The following PFKFB4 variants were observed in gnomAD, a reference collection of about 807,000 sequenced individuals.
PFKFB4 encodes the protein 6-phosphofructo-2-kinase/fructose-2,6-biphosphatase 4, also known as 6-phosphofructo-2-kinase/fructose-2,6-bisphosphatase 4.
PFKFB4 carries 42 observed loss-of-function variants against 62.8 expected under a neutral mutation model. That is an observed-to-expected ratio of 0.67 (90% CI 0.52 to 0.86). PFKFB4 has a LOEUF of 0.86. PFKFB4 is among the 40% of genes least tolerant of loss of function. PFKFB4 has a pLI of 0.00. For missense variants in PFKFB4, 475 were observed against 627.2 expected (o/e 0.76, Z 2.59); for synonymous variants, 204 against 240.7 (o/e 0.85, Z 1.41).
chr3:48,528,730 G>A (rs187982083), intron 9 of PFKFB4, among the ~76,000 whole-genome samples: 1 of 152,314 alleles, frequency 6.6e-6, no homozygotes, highest in Non-Finnish European at 1.5e-5. Flanking sequence ...TAGCCCAAAA[G>A]TGGCAACAAC....
rs1006834711 is a variant in PFKFB4, at chr3:48,543,787, T to C, written c.312-141A>G. On this transcript the variant is annotated intron_variant, in intron 3 of 13. Coordinates refer to ENST00000232375, the MANE Select transcript of PFKFB4 (RefSeq NM_004567.4). ...TGCTCTCTTTTCAAAGTTTCCCTTCTCTTTCCTTAGGATAATGTTCAGTGT... is the reference window on the plus strand; with the variant it reads ...TGCTCTCTTTTCAAAGTTTCCCTTCCCTTTCCTTAGGATAATGTTCAGTGT... 15 of 696,746 alleles carry C rather than the reference T, an allele frequency of 2.2e-5. No individual in the cohort carries two copies. In the African/African-American group the frequency reaches 2.6e-4, roughly 12 times the overall value. The allele number at this position is 696,746 out of a possible 1,614,324, so 43.2% of individuals were successfully genotyped here.
chr3:48,559,470 G>GC, upstream of PFKFB4: 1 of 456,096 alleles, frequency 2.2e-6, no homozygotes, highest in Non-Finnish European at 4.4e-6. Context: ...GACCTTGCCT[G>GC]CCACACTACA....
chr3:48,532,345 GA>G (rs2042456681), intron 9 of PFKFB4, among the ~76,000 whole-genome samples: 1 of 152,044 alleles, frequency 6.6e-6, no homozygotes, highest in Non-Finnish European at 1.5e-5. Flanking sequence ...AATAAAAACA[GA>G]ATTACCATAG....
intron 3 of PFKFB4, 76 bp from the exon 4 acceptor site, chr3:48,543,722 G>A: frequency 1.8e-6 from 2 of 1,102,392 alleles, no homozygotes; most frequent in Non-Finnish European, 2.7e-6. Context: ...CACACAACAG[G>A]AGGAGACATG....
chr3:48,520,499 G>C (rs995142870), intron 13 of PFKFB4, among the ~76,000 whole-genome samples: 1 of 152,196 alleles, frequency 6.6e-6, no homozygotes, highest in Non-Finnish European at 1.5e-5. Flanking sequence ...TCACCTGCAG[G>C]AGCAGGTCAC....
chr3:48,542,348 A>G (rs1401569628), intron 4 of PFKFB4, among the ~76,000 whole-genome samples: 1 of 151,778 alleles, frequency 6.6e-6, no homozygotes, highest in African/African-American at 2.4e-5. Context: ...AAAAAAAAAA[A>G]GAAAGAAAGA....
At chr3:48,560,292 A>G (rs1236355220), upstream of PFKFB4, among the ~76,000 whole-genome samples, 1 of 152,086 alleles carries the variant, frequency 6.6e-6, no homozygotes, top group Non-Finnish European at 1.5e-5. Flanking sequence ...CCCTTCCCAC[A>G]TATATCTCTC....
At position 48,521,383 on chromosome 3, in the gene PFKFB4, C is replaced by T. The variant is rs2042089855; in HGVS notation, c.1350+603G>A. On this transcript the variant is annotated intron_variant, in intron 13 of 13. Coordinates refer to ENST00000232375, the MANE Select transcript of PFKFB4 (RefSeq NM_004567.4). This position sits in a 1 kb window ranked among gnomAD's most constrained non-coding sequence, Gnocchi z 5.3. ...TGGTTCTGAGCTACACTCTGAGGAG[C>T]TTCTACCTTCCACAAGGCACTTGGG... Among the ~76,000 whole-genome samples, 1 of 152,198 alleles carries T rather than the reference C, an allele frequency of 6.6e-6. No individual in the cohort carries two copies. Among genetic ancestry groups the T allele is most frequent in the Non-Finnish European group, 1.5e-5 (1 of 68,026 alleles).
Position 48,519,809 on chromosome 3 carries a change from G to A in PFKFB4, c.1351-3C>T. ...GGAGGTCTTGAGATGTCCACGTTCTGTACAATAAAAACACAGAGCGTTCAC... is the reference window on the plus strand; with the variant it reads ...GGAGGTCTTGAGATGTCCACGTTCTATACAATAAAAACACAGAGCGTTCAC... On this transcript the variant is annotated splice_region_variant and splice_polypyrimidine_tract_variant and intron_variant, in intron 13 of 13. Coordinates refer to ENST00000232375, the MANE Select transcript of PFKFB4 (RefSeq NM_004567.4). 2 of 1,612,730 alleles carry A rather than the reference G, an allele frequency of 1.2e-6. No homozygotes were observed.
Position 48,550,211 on chromosome 3 carries a change from G to C in PFKFB4, c.121C>G (p.Leu41Val), listed in dbSNP as rs758214576. 4 of 1,613,894 alleles carry C rather than the reference G, an allele frequency of 2.5e-6. No individual in the cohort carries two copies. Among genetic ancestry groups the C allele is most frequent in the East Asian group, 2.2e-5 (1 of 44,878 alleles). ...RGVCMTNCPT[L>V]IVMVGLPARG... The stretch of plus-strand genomic sequence containing the variant: ...GCGGGCAGGCCCACCATGACAATGA[G>C]AGTTGGGCAGTTGGTCATGCACACT... The change falls in exon 2 of 14, where the codon CTC becomes GTC. Residue 41 changes from leucine (L) to valine (V), a missense_variant. Transcript: ENST00000232375.
chr3:48,559,059 G>A (rs1326777395), upstream of PFKFB4, among the ~76,000 whole-genome samples: 1 of 152,212 alleles, frequency 6.6e-6, no homozygotes, highest in Non-Finnish European at 1.5e-5. Context: ...CTCCTGGGAT[G>A]CTAATCAAGG....
chr3:48,519,487 G>T lies in PFKFB4; in HGVS notation c.*260C>A. ...GCTGCGCCGGAAGAAACTGGGGCTG[G>T]GCAACCTCCGCGCAGCCCATGCAGA... On this transcript the variant is annotated 3_prime_UTR_variant, in exon 14 of 14. Transcript: ENST00000232375. 1 of 471,338 alleles carries T rather than the reference G, an allele frequency of 2.1e-6. No individual in the cohort carries two copies. Among genetic ancestry groups the T allele is most frequent in the South Asian group, 3.6e-5 (1 of 27,990 alleles). The allele number at this position is 471,338 out of a possible 1,614,324, so 29.2% of individuals were successfully genotyped here. A position where few individuals can be genotyped will look rare whatever the true frequency, so the allele number is the denominator to read the frequency against.
Position 48,523,688 on chromosome 3 carries a change from G to T in PFKFB4, c.1222+13C>A, listed in dbSNP as rs564968088. The T allele has an allele frequency of 3.1e-6, 5 of 1,614,058 alleles. No homozygotes were observed. The African/African-American group carries it at 6.7e-5, about 22-fold the overall frequency. On this transcript the variant is annotated intron_variant, in intron 11 of 13. Transcript: ENST00000232375. The stretch of plus-strand genomic sequence containing the variant: ...ACACAACCTTCCCACCTCCCCCGGG[G>T]CACAGCCCACACCTGCTGCCTTGTC...
At chr3:48,554,341 C>T (rs900144716) in intron 1 of PFKFB4, among the ~76,000 whole-genome samples, 1 of 152,196 alleles carries the variant, frequency 6.6e-6, no homozygotes. Context: ...GCTGCATGGG[C>T]GGGTTCCATG....
At chr3:48,549,841 C>T (rs773166111) in intron 3 of PFKFB4, 23 bp downstream of exon 3, 3 of 1,452,700 alleles carry the variant, frequency 2.1e-6, no homozygotes, top group Admixed American at 1.7e-5. Context: ...ACCTCTCCCC[C>T]CACACCCAAC....
At chr3:48,547,280 T>A (rs1353742835) in intron 3 of PFKFB4, among the ~76,000 whole-genome samples, 3 of 152,122 alleles carry the variant, frequency 2.0e-5, no homozygotes, top group Non-Finnish European at 4.4e-5. Flanking sequence ...ATGTATAACG[T>A]GACTGTGTAC....
upstream of PFKFB4, chr3:48,559,523 C>T (rs570164703): frequency 8.7e-5 from 40 of 457,146 alleles, no homozygotes; most frequent in Middle Eastern, 1.3e-3. Flanking sequence ...CTCCCACTCC[C>T]CTGTGTCCTC....
chr3:48,550,799 C>A lies in PFKFB4; in HGVS notation c.98-565G>T, dbSNP rs758602. ...AAGGCATCTCCATGGCCACCGGGAACACCCCTCACCCTCAATCCTGGTCAC... is the reference window on the plus strand; with the variant it reads ...AAGGCATCTCCATGGCCACCGGGAAAACCCCTCACCCTCAATCCTGGTCAC... On this transcript the variant is annotated intron_variant, in intron 1 of 13. Transcript: ENST00000232375. Among the ~76,000 whole-genome samples, 72 of 152,358 alleles carry A rather than the reference C, an allele frequency of 4.7e-4. No homozygotes were observed. In the South Asian group the frequency reaches 0.013, roughly 29 times the overall value.
intron 4 of PFKFB4, among the ~76,000 whole-genome samples, chr3:48,542,329 ATCTC>A (rs2042826299): frequency 6.8e-6 from 1 of 146,048 alleles, no homozygotes. Context: ...GCGAGACTCC[ATCTC>A]AAAAAAAAAA....
Sources: allele counts gnomAD v4.1 joint callset (sites outside exome capture counted in the v4.1 genomes callset), GRCh38; gene constraint gnomAD v4.1.1; non-coding constraint Gnocchi (gnomAD v3.1); transcripts MANE v1.5; gene names NCBI Gene and HGNC (gene_info 2026-07-23, HGNC 2026-07-21).